BPNT1: variants seen among roughly 807,000 people sequenced by gnomAD.
BPNT1 encodes 3'(2'), 5'-bisphosphate nucleotidase 1, also known as 3'(2'),5'-bisphosphate nucleotidase 1.
A neutral mutation model predicts 36.9 loss-of-function variants in BPNT1; 28 were observed. The ratio of observed to expected loss-of-function variants is 0.76; its 90% CI spans 0.56 to 1.04. The LOEUF (loss-of-function observed/expected upper bound fraction) is 1.04. BPNT1 is among the 50% of genes least tolerant of loss of function. The pLI, the probability that BPNT1 is intolerant of heterozygous loss-of-function variation, is 0.00. For missense variants in BPNT1, 313 were observed against 372.9 expected (o/e 0.84, Z 1.32); for synonymous variants, 119 against 130.9 (o/e 0.91, Z 0.62).
chr1:220,066,998 C>G (rs1292604448), intron 6 of BPNT1: 1 of 153,482 alleles, frequency 6.5e-6, no homozygotes, highest in Non-Finnish European at 1.4e-5. Flanking sequence ...TTTAGTGGGT[C>G]TGTGTACATA....
chr1:220,060,724 G>C (rs1662948306), intron 7 of BPNT1, among the ~76,000 whole-genome samples: 1 of 152,000 alleles, frequency 6.6e-6, no homozygotes, highest in Admixed American at 6.6e-5. Flanking sequence ...AGTGACCATG[G>C]CCCATGACAC....
At chr1:220,071,704 T>C (rs560760592) in intron 4 of BPNT1, among the ~76,000 whole-genome samples, 1 of 152,338 alleles carries the variant, frequency 6.6e-6, no homozygotes, top group African/African-American at 2.4e-5. Context: ...TTCTTCTTTT[T>C]GAGACTAAGT....
chr1:220,059,724 T>A lies in BPNT1; in HGVS notation c.740A>T (p.Asp247Val), dbSNP rs1463729790. 2 of 1,611,558 alleles carry A rather than the reference T, an allele frequency of 1.2e-6. No individual in the cohort carries two copies. Among genetic ancestry groups the A allele is most frequent in the Non-Finnish European group, 8.5e-7 (1 of 1,179,278 alleles). ...TAAAATAACTTCTGGAGCACAAGTA[T>A]CCCACTTCTTACAACCAGGACTTGC... ...VFASPGCKKW[D>V]TCAPEVILHA... Residue 247 changes from aspartate (D) to valine (V), a missense_variant, in exon 8 of 9, where the codon GAT becomes GTT. By Grantham distance (152) the Asp-to-Val change is radical (BLOSUM62 -3). Transcript: ENST00000322067.
At chr1:220,087,976 TA>T (rs1174893393) in intron 1 of BPNT1, among the ~76,000 whole-genome samples, 1 of 151,842 alleles carries the variant, frequency 6.6e-6, no homozygotes, top group Non-Finnish European at 1.5e-5. Flanking sequence ...CTCCCGGGTT[TA>T]AGCGATTCTC....
At position 220,082,708 on chromosome 1, in the gene BPNT1, T is replaced by A. The variant is rs149474612; in HGVS notation, c.-8-2854A>T. Reference sequence around the variant, plus strand: ...CTCAAGTGATTCTTGTGCTTCAGCCTCCCGAGTAGCTGAGATCACAGGCAA... The same window carrying A: ...CTCAAGTGATTCTTGTGCTTCAGCCACCCGAGTAGCTGAGATCACAGGCAA... On this transcript the variant is annotated intron_variant, in intron 1 of 8. Transcript: ENST00000322067. Among the ~76,000 whole-genome samples the A allele has an allele frequency of 3.1e-3, 467 of 151,778 alleles. 2 individuals are homozygous for A. The highest frequency in any genetic ancestry group is 0.011 in the African/African-American group (444 of 41,422).
intron 6 of BPNT1, 72 bp downstream of exon 6, chr1:220,067,230 G>T: frequency 1.1e-6 from 1 of 919,080 alleles, no homozygotes; most frequent in Non-Finnish European, 1.5e-6. Flanking sequence ...ACTTGCTTAG[G>T]TAACATAAAG....
At chr1:220,078,682 C>T (rs1171451170) in intron 2 of BPNT1, among the ~76,000 whole-genome samples, 1 of 151,106 alleles carries the variant, frequency 6.6e-6, no homozygotes, top group African/African-American at 2.4e-5. Context: ...ACTGCAACCT[C>T]GCTCTCCCAG....
chr1:220,085,102 C>T (rs541342830), intron 1 of BPNT1, among the ~76,000 whole-genome samples: 5 of 151,632 alleles, frequency 3.3e-5, no homozygotes, highest in Admixed American at 1.3e-4. Context: ...AATACATAGT[C>T]ATATTATCAA....
rs199915166 is a variant in BPNT1, at chr1:220,072,847, T to C, written c.333+3A>G. The C allele has an allele frequency of 4.8e-5, 78 of 1,609,868 alleles. No homozygotes were observed. In the African/African-American group the frequency reaches 9.5e-4, roughly 20 times the overall value. On this transcript the variant is annotated splice_donor_region_variant and intron_variant, in intron 4 of 8. Transcript: ENST00000322067. ...GAGAGTTGAGTATAAATATGGGTCA[T>C]ACATCTTCTTCTTTAATAGCACTGT...
In BPNT1 at chr1:220,067,304, CAT is replaced by C; in HGVS notation, c.470_471del (p.Tyr157Ter). ...AGVINQPYYNYEAGPDAVLGR... is the reference protein window; with the variant it reads ...AGVINQPYYNXEAGPDAVLGR... ...CTTTGTATCATTTATAGTAATACCT[CAT>C]AGTTGTAATATGGCTGGTTAATAAC... On this transcript the variant is annotated frameshift_variant, in exon 6 of 9. Transcript: ENST00000322067. LOFTEE classifies it high-confidence loss of function. 2.5e-6 allele frequency: 4 copies of C among 1,577,988 alleles called. No homozygotes were observed. The highest frequency in any genetic ancestry group is 3.5e-6 in the Non-Finnish European group (4 of 1,149,838).
chr1:220,060,803 A>T (rs1230900896), intron 7 of BPNT1, among the ~76,000 whole-genome samples: 1 of 152,188 alleles, frequency 6.6e-6, no homozygotes, highest in South Asian at 2.1e-4. Flanking sequence ...TGTATTTTAG[A>T]GAGGCATGAG....
chr1:220,081,788 C>A (rs2102752521), intron 1 of BPNT1, among the ~76,000 whole-genome samples: 1 of 152,116 alleles, frequency 6.6e-6, no homozygotes, highest in South Asian at 2.1e-4. Context: ...ACCACCCCAG[C>A]ACTGAAGGGC....
intron 1 of BPNT1, among the ~76,000 whole-genome samples, chr1:220,081,225 A>C (rs570700043): frequency 6.6e-6 from 1 of 152,234 alleles, no homozygotes; most frequent in African/African-American, 2.4e-5. Flanking sequence ...GAGCCACTGT[A>C]TCTGGCCTGT....
intron 7 of BPNT1, among the ~76,000 whole-genome samples, chr1:220,061,326 T>C (rs1392753074): frequency 6.6e-6 from 1 of 152,120 alleles, no homozygotes; most frequent in Non-Finnish European, 1.5e-5. Context: ...TGACTTTTTT[T>C]GGTTATAGTG....
At chr1:220,082,180 TTA>T (rs3055553) in intron 1 of BPNT1, among the ~76,000 whole-genome samples, 8,441 of 144,218 alleles carry the variant, frequency 0.059, 300 homozygotes, top group East Asian at 0.11. Flanking sequence ...TTTATATTTT[TTA>T]TATATATATA....
intron 7 of BPNT1, 97 bp downstream of exon 7, chr1:220,062,660 G>A (rs1663158180): frequency 1.5e-6 from 2 of 1,334,738 alleles, no homozygotes; most frequent in African/African-American, 2.9e-5. Flanking sequence ...TATATACCCA[G>A]TAATGGGATG....
rs550643368 is a variant in BPNT1, at chr1:220,078,082, A to G, written c.120+1645T>C. Among the ~76,000 whole-genome samples the G allele has an allele frequency of 2.0e-5, 3 of 151,600 alleles. No homozygotes were observed. The East Asian group carries it at 5.8e-4, about 29-fold the overall frequency. On this transcript the variant is annotated intron_variant, in intron 2 of 8. Coordinates refer to ENST00000322067, the MANE Select transcript of BPNT1 (RefSeq NM_006085.6). ...CCTAACTACTCAGGAGGCTAAGCCA[A>G]GAGGGTCCTTTGAGCCCAGAGCTTG...
chr1:220,073,997 T>C lies in BPNT1; in HGVS notation c.195A>G (p.Lys65=), dbSNP rs1289519253. 1.9e-6 allele frequency: 3 copies of C among 1,613,978 alleles called. No individual in the cohort carries two copies. Among genetic ancestry groups the C allele is most frequent in the African/African-American group, 1.3e-5 (1 of 74,922 alleles). Residue 65 remains lysine, a synonymous_variant, in exon 3 of 9, where the codon AAA becomes AAG. Transcript: ENST00000322067. ...CCCCTATAATTGTGAGTTTGGGGAA[T>C]TTCCGGGCCAATGAAGAACATATGC... ...QMSICSSLAR[K]FPKLTIIGEE...
In BPNT1 at chr1:220,072,542, T is replaced by C. The variant is rs1425487345; in HGVS notation, c.333+308A>G. On this transcript the variant is annotated intron_variant, in intron 4 of 8. Transcript: ENST00000322067. Reference sequence around the variant, plus strand: ...GTTGCCGAGTCTGGTCTCGAACTCCTAGACTCAAGCAATCCAACCACCTCG... The same window carrying C: ...GTTGCCGAGTCTGGTCTCGAACTCCCAGACTCAAGCAATCCAACCACCTCG... Among the ~76,000 whole-genome samples, 3 of 152,218 alleles carry C rather than the reference T, an allele frequency of 2.0e-5. No individual in the cohort carries two copies. In the East Asian group the frequency reaches 5.8e-4, roughly 30 times the overall value.
Sources: allele counts gnomAD v4.1 joint callset (sites outside exome capture counted in the v4.1 genomes callset), GRCh38; gene constraint gnomAD v4.1.1; transcripts MANE v1.5; gene names NCBI Gene and HGNC (gene_info 2026-07-23, HGNC 2026-07-21).